The following NHSL1 variants were observed in gnomAD, a reference collection of about 807,000 sequenced individuals.
NHSL1 encodes the protein NHS like 1.
NHSL1 carries 48 observed loss-of-function variants against 95.0 expected under a neutral mutation model. That is an observed-to-expected ratio of 0.51 (90% CI 0.40 to 0.64). The LOEUF (loss-of-function observed/expected upper bound fraction) is 0.64. Among genes scored for constraint, NHSL1 ranks in the 30% least tolerant of loss-of-function variants. The pLI is 0.00. For missense variants in NHSL1, 1,971 were observed against 2,077.7 expected (o/e 0.95, Z 1.00); for synonymous variants, 783 against 833.9 (o/e 0.94, Z 1.05).
rs375546454 is a variant in NHSL1 at position 138,447,128 on chromosome 6, T to C, written c.405A>G (p.Ser135=). 1.8e-5 allele frequency: 28 copies of C among 1,551,678 alleles called. No individual in the cohort carries two copies. The African/African-American group carries it at 3.6e-4, about 20-fold the overall frequency. The change falls in exon 4 of 8, where the codon TCA becomes TCG. Residue 135 remains serine, a synonymous_variant. Coordinates refer to ENST00000343505, the MANE Select transcript of NHSL1 (RefSeq NM_001144060.2). ...ISIRRPKTPA[S]SDFSDLNTQT... ...GAGTATTAAGGTCGGAGAAGTCACT[T>C]GAGGCTGGTGTTTTAGGTCTCCTGA...
chr6:138,550,972 G>A (rs1353152692), intron 1 of NHSL1, among the ~76,000 whole-genome samples: 2 of 152,054 alleles, frequency 1.3e-5, no homozygotes, highest in African/African-American at 2.4e-5. Context: ...TCTCTTATCC[G>A]AGGTTTTGCT....
At position 138,433,493 on chromosome 6, in the gene NHSL1, C is replaced by A. The variant is rs752813190; in HGVS notation, c.852G>T (p.Gly284=). 17 of 1,552,022 alleles carry A rather than the reference C, an allele frequency of 1.1e-5. No homozygotes were observed. In the African/African-American group the frequency reaches 2.3e-4, roughly 21 times the overall value. ...PSMRRIRAQK[G]QGIAAQMGHF... ...GGCCCATCTGGGCAGCAATGCCTTG[C>A]CCCTTCTGTGCCCTGATTCTCCTCA... Residue 284 remains glycine, a synonymous_variant, in exon 6 of 8, where the codon GGG becomes GGT. Coordinates refer to ENST00000343505, the MANE Select transcript of NHSL1 (RefSeq NM_001144060.2).
upstream of NHSL1, among the ~76,000 whole-genome samples, chr6:138,502,902 A>T (rs76949216): frequency 0.012 from 1,881 of 152,314 alleles, 20 homozygotes; most frequent in Non-Finnish European, 0.018. Flanking sequence ...TAAAATCTCA[A>T]GAGATAGCTT....
chr6:138,587,253 G>A (rs76755418), intron 1 of NHSL1, among the ~76,000 whole-genome samples: 23,027 of 151,362 alleles, frequency 0.15, 3,089 homozygotes, highest in African/African-American at 0.37. Flanking sequence ...GATTACAGGC[G>A]TGAGCCACCA....
At chr6:138,568,085 CT>C (rs1332013751) in intron 1 of NHSL1, among the ~76,000 whole-genome samples, 4 of 152,188 alleles carry the variant, frequency 2.6e-5, no homozygotes, top group Non-Finnish European at 5.9e-5. Context: ...CCTCAAGGAC[CT>C]TCCACAGTGC....
intron 1 of NHSL1, among the ~76,000 whole-genome samples, chr6:138,588,610 A>G (rs1583436553): frequency 6.6e-6 from 1 of 152,274 alleles, no homozygotes; most frequent in Admixed American, 6.5e-5. Context: ...TTGAATCACC[A>G]GAATCATCTG....
At chr6:138,597,450 A>C (rs1237220947) in intron 1 of NHSL1, among the ~76,000 whole-genome samples, 1 of 152,164 alleles carries the variant, frequency 6.6e-6, no homozygotes, top group Non-Finnish European at 1.5e-5. Flanking sequence ...TCATCACGGA[A>C]CTTTAGTCCA....
chr6:138,574,052 C>T (rs534276417), upstream of NHSL1, among the ~76,000 whole-genome samples: 21 of 152,260 alleles, frequency 1.4e-4, no homozygotes, highest in East Asian at 3.3e-3. Context: ...CTCAGCCTCC[C>T]GAGTAGCTGG....
At chr6:138,455,564 C>T (rs191228828) in intron 3 of NHSL1, among the ~76,000 whole-genome samples, 59 of 139,244 alleles carry the variant, frequency 4.2e-4, no homozygotes, top group South Asian at 9.4e-4. Flanking sequence ...GCCCCGCCTT[C>T]GCATGCTTCC....
intron 1 of NHSL1, among the ~76,000 whole-genome samples, chr6:138,561,153 C>T (rs1285833371): frequency 1.3e-5 from 2 of 152,212 alleles, no homozygotes; most frequent in African/African-American, 4.8e-5. Flanking sequence ...TGCACAAAAA[C>T]TTATTAAGCT....
Position 138,433,540 on chromosome 6 carries a change from C to T in NHSL1, c.805G>A (p.Val269Met), listed in dbSNP as rs1257738454. 3.2e-6 allele frequency: 5 copies of T among 1,552,022 alleles called. No homozygotes were observed. The highest frequency in any genetic ancestry group is 4.4e-6 in the Non-Finnish European group (5 of 1,147,068). The change falls in exon 6 of 8, where the codon GTG becomes ATG. Residue 269 changes from valine (V) to methionine (M), a missense_variant. By Grantham distance (21) the Val-to-Met change is conservative. This residue lies in a region of NHSL1 where 1,602 missense variants were observed against 1,654.5 expected (regional missense o/e 0.97). Transcript: ENST00000343505. ...TRDSSCQTED[V>M]KVVPPSMRRI... is the part of the protein sequence containing the mutation. ...CTCATGGAAGGTGGTACGACCTTCA[C>T]ATCCTCCGTCTGACAGCTGGAGTCC...
intron 1 of NHSL1, among the ~76,000 whole-genome samples, chr6:138,661,592 G>T (rs1785227952): frequency 6.6e-6 from 1 of 151,536 alleles, no homozygotes; most frequent in Non-Finnish European, 1.5e-5. Flanking sequence ...AGCCCCGGAA[G>T]TCAAGGCTGC....
intron 1 of NHSL1, among the ~76,000 whole-genome samples, chr6:138,600,881 CATGAT>C (rs1486982515): frequency 2.0e-5 from 3 of 152,164 alleles, no homozygotes; most frequent in African/African-American, 7.2e-5. Context: ...CATTCTGTAA[CATGAT>C]ATATCTACAA....
chr6:138,666,058 C>A (rs940264268), intron 1 of NHSL1, among the ~76,000 whole-genome samples: 6 of 152,238 alleles, frequency 3.9e-5, no homozygotes, highest in Non-Finnish European at 4.4e-5. Context: ...AATCCCAGCA[C>A]TTTGGGAGGC....
chr6:138,523,639 A>AAAAAAAAAAAAAAAAAAAAAG (rs1781779389), intron 1 of NHSL1, among the ~76,000 whole-genome samples: 1 of 146,444 alleles, frequency 6.8e-6, no homozygotes, highest in Non-Finnish European at 1.5e-5. Context: ...AAAAAAAAAA[A>AAAAAAAAAAAAAAAAAAAAAG]AAAAAAAAAA....
Position 138,467,309 on chromosome 6 carries a change from C to T in NHSL1, c.339+5997G>A, listed in dbSNP as rs544723484. Among the ~76,000 whole-genome samples the T allele has an allele frequency of 3.9e-5, 6 of 152,118 alleles. No homozygotes were observed. In the East Asian group the frequency reaches 1.2e-3, roughly 30 times the overall value. The stretch of plus-strand genomic sequence containing the variant: ...CTGGGACCGCAGGTGCCCGCCACCT[C>T]GCCTGGCTAATTTTTTGTATTTTTA... On this transcript the variant is annotated intron_variant, in intron 3 of 7. Transcript: ENST00000343505.
chr6:138,631,352 G>A (rs541742958), intron 1 of NHSL1, among the ~76,000 whole-genome samples: 1 of 152,254 alleles, frequency 6.6e-6, no homozygotes, highest in East Asian at 1.9e-4. Flanking sequence ...GACTAGACAG[G>A]GCATGTGAAC....
chr6:138,470,978 AC>A (rs1778714034), intron 3 of NHSL1, among the ~76,000 whole-genome samples: 1 of 152,094 alleles, frequency 6.6e-6, no homozygotes, highest in South Asian at 2.1e-4. Context: ...ATAAAGGATG[AC>A]TTTTATATAT....
At chr6:138,525,432 G>A (rs1264141549) in intron 1 of NHSL1, among the ~76,000 whole-genome samples, 1 of 151,842 alleles carries the variant, frequency 6.6e-6, no homozygotes, top group Non-Finnish European at 1.5e-5. Context: ...GGGTGGCTGA[G>A]TGGGAAGATC....
Sources: allele counts gnomAD v4.1 joint callset (sites outside exome capture counted in the v4.1 genomes callset), GRCh38; gene constraint gnomAD v4.1.1; regional missense constraint gnomAD v4.1.1; transcripts MANE v1.5; gene names NCBI Gene and HGNC (gene_info 2026-07-23, HGNC 2026-07-21).